Variants in FAF1 observed in about 807,000 individuals in gnomAD.
FAF1 encodes the protein Fas associated factor 1, also known as FAS-associated factor 1.
FAF1 carries 25 observed loss-of-function variants against 92.5 expected under a neutral mutation model. The observed-to-expected ratio is 0.27, with a 90% confidence interval of 0.20 to 0.38. The LOEUF (loss-of-function observed/expected upper bound fraction) is 0.38, where lower values mean the gene tolerates loss of function less well. Ranked by LOEUF, FAF1 falls within the 10% of genes least tolerant of loss-of-function variation. The pLI, the probability that FAF1 is intolerant of heterozygous loss-of-function variation, is 1.00. For missense variants in FAF1, 636 were observed against 793.3 expected (o/e 0.80, Z 2.38); for synonymous variants, 234 against 273.2 (o/e 0.86, Z 1.42).
chr1:50,614,912 T>C (rs934465129), intron 8 of FAF1, among the ~76,000 whole-genome samples: 26 of 152,034 alleles, frequency 1.7e-4, no homozygotes, highest in Non-Finnish European at 3.7e-4. Context: ...GCATGATTTA[T>C]TTTTATTTTT....
intron 18 of FAF1, among the ~76,000 whole-genome samples, chr1:50,459,636 C>T (rs115680653): frequency 3.1e-4 from 47 of 152,302 alleles, no homozygotes; most frequent in African/African-American, 1.1e-3. Flanking sequence ...CTGTTGTCTT[C>T]TCTTCATCCC....
chr1:50,909,108 G>T (rs1461836851), intron 1 of FAF1, among the ~76,000 whole-genome samples: 1 of 151,932 alleles, frequency 6.6e-6, no homozygotes, highest in Non-Finnish European at 1.5e-5. Flanking sequence ...TGTCTGTAAG[G>T]GATTTTATTT....
chr1:50,569,173 A>C (rs539879849), intron 12 of FAF1, among the ~76,000 whole-genome samples: 2 of 152,258 alleles, frequency 1.3e-5, no homozygotes, highest in Non-Finnish European at 2.9e-5. Flanking sequence ...GCTCAAAACA[A>C]ATGCCTCTAT....
chr1:50,636,701 A>G (rs1266058950), intron 8 of FAF1, among the ~76,000 whole-genome samples: 2 of 152,104 alleles, frequency 1.3e-5, no homozygotes, highest in African/African-American at 2.4e-5. Context: ...AAAGTTGCCA[A>G]TTGTAATGAA....
chr1:50,926,095 T>C (rs914675210), intron 1 of FAF1, among the ~76,000 whole-genome samples: 1 of 152,108 alleles, frequency 6.6e-6, no homozygotes, highest in Admixed American at 6.5e-5. Context: ...TACATGCTTG[T>C]AATCCCAGTT....
chr1:50,714,720 T>C (rs951955310), intron 6 of FAF1, among the ~76,000 whole-genome samples: 2 of 152,234 alleles, frequency 1.3e-5, no homozygotes, highest in Admixed American at 1.3e-4. Flanking sequence ...TTAACAGCTA[T>C]GGACCCTTGG....
At chr1:50,449,912 T>C (rs865889901) in intron 18 of FAF1, among the ~76,000 whole-genome samples, 1 of 151,488 alleles carries the variant, frequency 6.6e-6, no homozygotes, top group Non-Finnish European at 1.5e-5. Context: ...AAAGTTACCA[T>C]GGCTGGGTGT....
chr1:50,750,095 T>C (rs1303559996), intron 4 of FAF1, among the ~76,000 whole-genome samples: 1 of 152,148 alleles, frequency 6.6e-6, no homozygotes, highest in East Asian at 1.9e-4. Context: ...GGGAACAAAG[T>C]ACTGGAATGT....
chr1:50,667,086 T>C (rs777838387), intron 7 of FAF1, among the ~76,000 whole-genome samples: 12 of 152,140 alleles, frequency 7.9e-5, no homozygotes, highest in Non-Finnish European at 1.6e-4. Flanking sequence ...GTTTCAACAA[T>C]TGAATGCTTC....
chr1:50,464,657 G>C (rs1646472659), intron 18 of FAF1, among the ~76,000 whole-genome samples: 1 of 152,204 alleles, frequency 6.6e-6, no homozygotes, highest in Non-Finnish European at 1.5e-5. Context: ...TTGGGACATG[G>C]ATTAAAGAAG....
intron 1 of FAF1, among the ~76,000 whole-genome samples, chr1:50,932,322 A>C (rs1645054640): frequency 6.6e-6 from 1 of 152,234 alleles, no homozygotes. Flanking sequence ...ATCAAAAGCA[A>C]GCTAGTTATT....
At chr1:50,486,552 C>T (rs1199980827) in intron 17 of FAF1, among the ~76,000 whole-genome samples, 1 of 151,918 alleles carries the variant, frequency 6.6e-6, no homozygotes, top group African/African-American at 2.4e-5. Context: ...TACGGGCGCA[C>T]CGTGAAGTCT....
intron 17 of FAF1, among the ~76,000 whole-genome samples, chr1:50,487,054 C>G (rs992214150): frequency 6.6e-6 from 1 of 152,126 alleles, no homozygotes; most frequent in African/African-American, 2.4e-5. Flanking sequence ...TTTTAAGGAG[C>G]TGTCATACAT....
chr1:50,523,155 C>T (rs1647594259), intron 15 of FAF1, among the ~76,000 whole-genome samples: 1 of 152,008 alleles, frequency 6.6e-6, no homozygotes, highest in Non-Finnish European at 1.5e-5. Flanking sequence ...TATTTTTATC[C>T]ATTAATCTGT....
intron 1 of FAF1, among the ~76,000 whole-genome samples, chr1:50,910,541 G>C (rs1212048009): frequency 2.0e-5 from 3 of 152,118 alleles, no homozygotes; most frequent in African/African-American, 7.2e-5. Context: ...CACCCAGTTC[G>C]AGCTTCCGGG....
At chr1:50,617,469 AAACC>A (rs999677265) in intron 8 of FAF1, among the ~76,000 whole-genome samples, 2 of 152,158 alleles carry the variant, frequency 1.3e-5, no homozygotes, top group African/African-American at 2.4e-5. Context: ...TGTGTATGTT[AAACC>A]AACTTTGCAT....
intron 1 of FAF1, among the ~76,000 whole-genome samples, chr1:50,900,625 T>C (rs1644788937): frequency 6.6e-6 from 1 of 152,210 alleles, no homozygotes; most frequent in South Asian, 2.1e-4. Flanking sequence ...AACTTCCTTA[T>C]GAGGTTGTGA....
chr1:50,562,838 C>T (rs1354032259), intron 13 of FAF1, among the ~76,000 whole-genome samples: 2 of 152,154 alleles, frequency 1.3e-5, no homozygotes, highest in African/African-American at 2.4e-5. Context: ...CACAGTTGGT[C>T]TTCTGCATCT....
chr1:50,490,478 G>A lies in FAF1; in HGVS notation c.1653+110C>T, dbSNP rs560606891. 630 of 624,414 alleles carry A rather than the reference G, an allele frequency of 1.0e-3. 26 individuals carry two copies. The highest frequency in any genetic ancestry group is 1.6e-3 in the Non-Finnish European group (544 of 345,174). The allele number at this position is 624,414 out of a possible 1,614,324, so 38.7% of individuals were successfully genotyped here. A position where few individuals can be genotyped will look rare whatever the true frequency, so the allele number is the denominator to read the frequency against. Reference sequence around the variant, plus strand: ...AAGGAAGGAAAAAGAAAGAAGGAAGGAAGGAAGGAAGGAAAGGAAGGAAGG... The same window carrying A: ...AAGGAAGGAAAAAGAAAGAAGGAAGAAAGGAAGGAAGGAAAGGAAGGAAGG... On this transcript the variant is annotated intron_variant, in intron 17 of 18. Transcript: ENST00000396153.
Sources: gnomAD v4.1 joint callset for allele counts (sites outside exome capture counted in the v4.1 genomes callset) on GRCh38, gnomAD v4.1.1 for gene constraint, MANE v1.5 for transcripts, NCBI Gene and HGNC (gene_info 2026-07-23, HGNC 2026-07-21) for gene names.